Variants in PIEZO2 observed in about 807,000 individuals in gnomAD.
PIEZO2 encodes the protein piezo-type mechanosensitive ion channel component 2.
PIEZO2 carries 172 observed loss-of-function variants against 337.3 expected under a neutral mutation model. The ratio of observed to expected loss-of-function variants is 0.51; its 90% CI spans 0.45 to 0.58. The LOEUF (loss-of-function observed/expected upper bound fraction) is 0.58. Among genes scored for constraint, PIEZO2 ranks in the 20% least tolerant of loss-of-function variants. The pLI, the probability that PIEZO2 is intolerant of heterozygous loss-of-function variation, is 0.00. For synonymous variants in PIEZO2, 1,251 were observed against 1,228.5 expected, an observed-to-expected ratio of 1.02 and a Z score of -0.38; for missense variants, 3,028 against 3,391.3, an observed-to-expected ratio of 0.89 and a Z score of 2.66.
chr18:10,827,150 A>T (rs1228261656), intron 7 of PIEZO2, among the ~76,000 whole-genome samples: 1 of 152,250 alleles, frequency 6.6e-6, no homozygotes, highest in Admixed American at 6.5e-5. Flanking sequence ...GTGGAAAAAT[A>T]AAAACTGAAT....
At chr18:10,937,729 C>T (rs1199890887) in intron 3 of PIEZO2, among the ~76,000 whole-genome samples, 1 of 152,190 alleles carries the variant, frequency 6.6e-6, no homozygotes, top group Admixed American at 6.5e-5. Context: ...CCTAATCCTC[C>T]AGTGCCACTT....
Position 10,855,279 on chromosome 18 carries a change from C to A in PIEZO2, c.917+74G>T. ...CCATCAAGAATAACCCCTGTAAATT[C>A]ACAATGCCAAACCAAGGTCCCAAAG... is the stretch of plus-strand genomic sequence containing the variant. On this transcript the variant is annotated intron_variant, in intron 7 of 55. Transcript: ENST00000674853. This position sits in a 1 kb window ranked among gnomAD's most constrained non-coding sequence, Gnocchi z 4.9. 7.5e-7 allele frequency: 1 copy of A among 1,327,708 alleles called. No individual in the cohort carries two copies. The allele number at this position is 1,327,708 out of a possible 1,614,324, so 82.2% of individuals were successfully genotyped here.
chr18:10,884,957 G>A (rs2042532422), intron 4 of PIEZO2, among the ~76,000 whole-genome samples: 1 of 152,052 alleles, frequency 6.6e-6, no homozygotes, highest in Non-Finnish European at 1.5e-5. Flanking sequence ...CCACAAATAT[G>A]TGTGAGCGTC....
At chr18:10,801,852 C>G (rs112249105) in intron 9 of PIEZO2, among the ~76,000 whole-genome samples, 3 of 151,966 alleles carry the variant, frequency 2.0e-5, no homozygotes, top group African/African-American at 7.2e-5. Flanking sequence ...TTTGAGAGTC[C>G]AAGGCAGGCA....
chr18:11,059,549 G>A (rs1213762317), intron 2 of PIEZO2, among the ~76,000 whole-genome samples: 2 of 152,158 alleles, frequency 1.3e-5, no homozygotes, highest in East Asian at 1.9e-4. Flanking sequence ...TCAAAATAAA[G>A]GGATGGAGGA....
rs1310328755 is a variant in PIEZO2 at position 10,784,554 on chromosome 18, A to G, written c.2492+230T>C. Among the ~76,000 whole-genome samples, 16 of 152,356 alleles carry G rather than the reference A, an allele frequency of 1.1e-4. No homozygotes were observed. In the East Asian group the frequency reaches 2.9e-3, roughly 28 times the overall value. On this transcript the variant is annotated intron_variant, in intron 17 of 55. Transcript: ENST00000674853. The surrounding 1 kb of genome is among the most constrained non-coding windows in gnomAD (Gnocchi z 4.5). Reference sequence around the variant, plus strand: ...ACAGCTACTCTGAATATCTCACAAGACGATCAAGATCACTTTACATTAACC... The same window carrying G: ...ACAGCTACTCTGAATATCTCACAAGGCGATCAAGATCACTTTACATTAACC...
At chr18:10,680,155 G>C (rs1276371288) in intron 52 of PIEZO2, 44 bp downstream of exon 52, 20 of 1,520,784 alleles carry the variant, frequency 1.3e-5, no homozygotes, top group Non-Finnish European at 1.8e-5. Flanking sequence ...TCCATGTTTA[G>C]ACTGGGGAAA....
chr18:10,777,924 G>C (rs185310274), intron 18 of PIEZO2, among the ~76,000 whole-genome samples: 24 of 152,164 alleles, frequency 1.6e-4, no homozygotes, highest in Middle Eastern at 3.2e-3. Context: ...TCTTAATTAT[G>C]TGTGTTGGTA....
rs943509878 is a variant in PIEZO2 at position 10,966,543 on chromosome 18, T to C, written c.286+12992A>G. Among the ~76,000 whole-genome samples the C allele has an allele frequency of 7.2e-5, 11 of 152,358 alleles. No individual in the cohort carries two copies. The South Asian group carries it at 1.2e-3, about 17-fold the overall frequency. On this transcript the variant is annotated intron_variant, in intron 3 of 55. Coordinates refer to ENST00000674853, the MANE Select transcript of PIEZO2 (RefSeq NM_001378183.1). Reference sequence around the variant, plus strand: ...TAAGAGAAATCCACATTTCTTGTTATAGTTTCCATTAGGAGCCCTCAATAT... The same window carrying C: ...TAAGAGAAATCCACATTTCTTGTTACAGTTTCCATTAGGAGCCCTCAATAT...
At chr18:10,825,556 T>C (rs1164453489) in intron 7 of PIEZO2, among the ~76,000 whole-genome samples, 1 of 148,418 alleles carries the variant, frequency 6.7e-6, no homozygotes, top group Admixed American at 6.6e-5. Context: ...CTTCCTTTTT[T>C]TTTTTTTTTT....
At chr18:11,051,334 C>A (rs1156520337) in intron 2 of PIEZO2, among the ~76,000 whole-genome samples, 4 of 111,904 alleles carry the variant, frequency 3.6e-5, no homozygotes, top group Non-Finnish European at 6.4e-5. Context: ...AGACAGCAAC[C>A]ATCACTTAGG....
intron 42 of PIEZO2, chr18:10,704,151 T>C: frequency 1.8e-6 from 1 of 542,352 alleles, no homozygotes; most frequent in East Asian, 3.1e-5. Flanking sequence ...TAAATGGGAA[T>C]GATGCCAGTA....
chr18:10,675,079 T>C lies in PIEZO2; in HGVS notation c.8161+130A>G, dbSNP rs111974280. 3 of 556,838 alleles carry C rather than the reference T, an allele frequency of 5.4e-6. No individual in the cohort carries two copies. The African/African-American group carries it at 5.9e-5, about 11-fold the overall frequency. 34.5% of individuals were successfully genotyped at this position (556,838 alleles called of 1,614,324 possible). A position where few individuals can be genotyped will look rare whatever the true frequency, so the allele number is the denominator to read the frequency against. ...GGGCTAGTGAAGGCTGTCAGGGGTT[T>C]CATATATAGTCTGTCACACAGGGAG... On this transcript the variant is annotated intron_variant, in intron 54 of 55. Transcript: ENST00000674853.
chr18:10,916,384 G>A (rs1033398797), intron 3 of PIEZO2, among the ~76,000 whole-genome samples: 20 of 152,144 alleles, frequency 1.3e-4, no homozygotes, highest in African/African-American at 3.4e-4. Flanking sequence ...AGCCAACCGC[G>A]GTAGGGCTCA....
In PIEZO2 at chr18:10,888,429, C is replaced by T. The variant is rs553598673; in HGVS notation, c.330-17014G>A. ...GCTCCAAGCCTTTCTACTCTCTGGG[C>T]TCCATTCCTTCAGAAAGCCCTATTT... On this transcript the variant is annotated intron_variant, in intron 4 of 55. Transcript: ENST00000674853. This position sits in a 1 kb window ranked among gnomAD's most constrained non-coding sequence, Gnocchi z 4.1. Among the ~76,000 whole-genome samples, 7 of 152,268 alleles carry T rather than the reference C, an allele frequency of 4.6e-5. No individual in the cohort carries two copies. The South Asian group carries it at 1.5e-3, about 32-fold the overall frequency.
intron 1 of PIEZO2, among the ~76,000 whole-genome samples, chr18:11,120,360 A>G (rs925550114): frequency 2.6e-5 from 4 of 152,138 alleles, no homozygotes; most frequent in African/African-American, 9.7e-5. Flanking sequence ...TTGCATTGTT[A>G]GCTAAATTTT....
intron 40 of PIEZO2, 22 bp from the exon 41 acceptor site, chr18:10,705,768 A>G (rs1052407812): frequency 1.3e-6 from 2 of 1,500,252 alleles, no homozygotes; most frequent in Non-Finnish European, 1.8e-6. Context: ...AAGCGTGGGC[A>G]CAGAGCCCAT....
At chr18:10,771,811 A>G (rs1399271035) in intron 20 of PIEZO2, among the ~76,000 whole-genome samples, 18 of 152,172 alleles carry the variant, frequency 1.2e-4, no homozygotes, top group Admixed American at 1.1e-3. Flanking sequence ...TTCCCCTTGG[A>G]ATGTGAATCC....
chr18:10,799,993 C>T (rs528499277), intron 11 of PIEZO2, among the ~76,000 whole-genome samples: 3 of 139,308 alleles, frequency 2.2e-5, no homozygotes, highest in South Asian at 4.8e-4. Context: ...AAAAAAAATT[C>T]ATATATTAAC....
Sources: allele counts gnomAD v4.1 joint callset (sites outside exome capture counted in the v4.1 genomes callset), GRCh38; gene constraint gnomAD v4.1.1; non-coding constraint Gnocchi (gnomAD v3.1); transcripts MANE v1.5; gene names NCBI Gene and HGNC (gene_info 2026-07-23, HGNC 2026-07-21).